Variants in EYS observed in about 807,000 individuals in gnomAD.
EYS encodes EGF-like photoreceptor maintenance factor.
EYS carries 250 observed loss-of-function variants against 282.1 expected under a neutral mutation model. That is an observed-to-expected ratio of 0.89 (90% confidence interval 0.80 to 0.98). The LOEUF is 0.98. Among genes scored for constraint, EYS ranks in the 50% least tolerant of loss-of-function variants. EYS has a pLI of 0.00. For missense variants in EYS, 4,016 were observed against 3,709.0 expected, an observed-to-expected ratio of 1.08 and a Z score of -2.15; for synonymous variants, 1,355 against 1,282.9, an observed-to-expected ratio of 1.06 and a Z score of -1.20.
At chr6:63,855,697 A>G (rs180787317) in intron 36 of EYS, among the ~76,000 whole-genome samples, 2 of 152,328 alleles carry the variant, frequency 1.3e-5, no homozygotes, top group African/African-American at 4.8e-5. Flanking sequence ...AAGGACTGGT[A>G]TGATTTATGG....
Position 65,329,381 on chromosome 6 carries a change from A to G in EYS, c.1766+5599T>C, listed in dbSNP as rs1348636397. 13 of 887,928 alleles carry G rather than the reference A, an allele frequency of 1.5e-5. No individual in the cohort carries two copies. In the East Asian group the frequency reaches 4.8e-4, roughly 33 times the overall value. 55.0% of individuals were successfully genotyped at this position (887,928 alleles called of 1,614,324 possible). On this transcript the variant is annotated intron_variant, in intron 11 of 42. Coordinates refer to ENST00000503581, the MANE Select transcript of EYS (RefSeq NM_001142800.2). Reference sequence around the variant, plus strand: ...AGAATTGCTTAAATGAATGATTTCTATATCATTTTACTATAAGGATTTAAG... The same window carrying G: ...AGAATTGCTTAAATGAATGATTTCTGTATCATTTTACTATAAGGATTTAAG...
At chr6:65,133,233 A>G (rs1211837883) in intron 12 of EYS, among the ~76,000 whole-genome samples, 1 of 149,042 alleles carries the variant, frequency 6.7e-6, no homozygotes, top group Admixed American at 6.6e-5. Context: ...TTGAAACAAC[A>G]AAAAAAAGTG....
intron 41 of EYS, among the ~76,000 whole-genome samples, chr6:63,750,271 G>T (rs1158079414): frequency 6.6e-6 from 1 of 152,060 alleles, no homozygotes; most frequent in Non-Finnish European, 1.5e-5. Context: ...TTGATTTCTG[G>T]AGTTTTATTT....
intron 41 of EYS, among the ~76,000 whole-genome samples, chr6:63,736,172 C>A (rs189285097): frequency 3.3e-5 from 5 of 152,286 alleles, no homozygotes; most frequent in Admixed American, 3.3e-4. Context: ...TGCCTATGTC[C>A]TGAATGGTAT....
At chr6:64,853,089 A>T (rs981783003) in intron 19 of EYS, among the ~76,000 whole-genome samples, 2 of 152,118 alleles carry the variant, frequency 1.3e-5, no homozygotes, top group Non-Finnish European at 1.5e-5. Flanking sequence ...TTGTATGATA[A>T]ATGTGTAGAG....
At chr6:63,978,598 A>G (rs1283383135) in intron 35 of EYS, among the ~76,000 whole-genome samples, 4 of 151,970 alleles carry the variant, frequency 2.6e-5, no homozygotes, top group Non-Finnish European at 4.4e-5. Flanking sequence ...TGGGTTAGAT[A>G]CAGAGTAAAA....
Position 64,207,003 on chromosome 6 carries a change from C to T in EYS, c.6424+23589G>A, listed in dbSNP as rs192454401. Among the ~76,000 whole-genome samples, 162 of 152,134 alleles carry T rather than the reference C, an allele frequency of 1.1e-3. 2 individuals carry two copies. The highest frequency in any genetic ancestry group is 5.8e-3 in the South Asian group (28 of 4,806). On this transcript the variant is annotated intron_variant, in intron 31 of 42. Transcript: ENST00000503581. Reference sequence around the variant, plus strand: ...TTCCACCCCGTAATAGGCCCCAGTGCGTGTTGTTCTCCTCTATGTGTCCAT... The same window carrying T: ...TTCCACCCCGTAATAGGCCCCAGTGTGTGTTGTTCTCCTCTATGTGTCCAT...
At chr6:63,878,391 G>A (rs1773035884) in intron 35 of EYS, among the ~76,000 whole-genome samples, 1 of 152,150 alleles carries the variant, frequency 6.6e-6, no homozygotes, top group African/African-American at 2.4e-5. Context: ...GCCCTTACTG[G>A]GAGGTGTCTT....
chr6:65,598,114 AAAACAAAAC>A (rs1288941651), intron 2 of EYS, among the ~76,000 whole-genome samples: 3 of 135,984 alleles, frequency 2.2e-5, no homozygotes, highest in African/African-American at 5.8e-5. Flanking sequence ...AAAACAAAAC[AAAACAAAAC>A]AAACAAACAA....
At chr6:64,570,158 A>C (rs1360939669) in intron 26 of EYS, among the ~76,000 whole-genome samples, 1 of 152,224 alleles carries the variant, frequency 6.6e-6, no homozygotes, top group Non-Finnish European at 1.5e-5. Context: ...TAAAGAAAAT[A>C]ATTTCAACCC....
At chr6:65,150,353 T>C (rs962198130) in intron 12 of EYS, among the ~76,000 whole-genome samples, 1 of 152,042 alleles carries the variant, frequency 6.6e-6, no homozygotes, top group African/African-American at 2.4e-5. Flanking sequence ...TTCAATTTTA[T>C]ATAAAAGCAC....
intron 12 of EYS, among the ~76,000 whole-genome samples, chr6:65,285,826 A>C (rs888648158): frequency 6.6e-6 from 1 of 151,964 alleles, no homozygotes; most frequent in African/African-American, 2.4e-5. Flanking sequence ...TGACAACTAT[A>C]TCATTTAACT....
intron 5 of EYS, among the ~76,000 whole-genome samples, chr6:65,406,709 T>C (rs1363409522): frequency 6.6e-6 from 1 of 152,112 alleles, no homozygotes; most frequent in Middle Eastern, 3.2e-3. Flanking sequence ...GTTTAAAAAC[T>C]GTTAAAACTG....
chr6:64,103,256 A>G (rs116222620), intron 31 of EYS, among the ~76,000 whole-genome samples: 4,371 of 152,290 alleles, frequency 0.029, 67 homozygotes, highest in Non-Finnish European at 0.046. Context: ...AATGTTATAA[A>G]CTAACATGAA....
chr6:64,060,270 A>G (rs945076185), intron 33 of EYS, among the ~76,000 whole-genome samples: 1 of 152,112 alleles, frequency 6.6e-6, no homozygotes, highest in Non-Finnish European at 1.5e-5. Flanking sequence ...AAAATTATAG[A>G]TAATAGAGTA....
At chr6:64,663,404 TG>T (rs1769114244) in intron 22 of EYS, among the ~76,000 whole-genome samples, 1 of 152,172 alleles carries the variant, frequency 6.6e-6, no homozygotes, top group Non-Finnish European at 1.5e-5. Flanking sequence ...ATAAGTAAAT[TG>T]GTCATGGTAG....
At chr6:64,219,107 A>G (rs1038813338) in intron 31 of EYS, among the ~76,000 whole-genome samples, 1 of 152,184 alleles carries the variant, frequency 6.6e-6, no homozygotes, top group African/African-American at 2.4e-5. Context: ...TTTGCTGCCC[A>G]TGCGGAATTA....
At chr6:65,316,350 C>G (rs1769294667) in intron 11 of EYS, among the ~76,000 whole-genome samples, 1 of 152,064 alleles carries the variant, frequency 6.6e-6, no homozygotes. Context: ...GAGTTATAGT[C>G]TTAGATTATC....
intron 30 of EYS, among the ~76,000 whole-genome samples, chr6:64,264,268 G>A (rs6927333): frequency 6.6e-6 from 1 of 151,924 alleles, no homozygotes; most frequent in Non-Finnish European, 1.5e-5. Context: ...CTCACAATTC[G>A]GCAGGTTGCT....
Sources: gnomAD v4.1 joint callset for allele counts (sites outside exome capture counted in the v4.1 genomes callset) on GRCh38, gnomAD v4.1.1 for gene constraint, MANE v1.5 for transcripts, NCBI Gene and HGNC (gene_info 2026-07-23, HGNC 2026-07-21) for gene names.